DPF1: variants seen among roughly 807,000 people sequenced by gnomAD.
DPF1 encodes zinc finger protein neuro-d4.
In DPF1, 14 loss-of-function variants were observed where a neutral mutation model predicts 58.7. The ratio of observed to expected loss-of-function variants is 0.24; its 90% CI spans 0.16 to 0.37. DPF1 has a LOEUF of 0.37. Ranked by LOEUF, DPF1 falls within the 10% of genes least tolerant of loss-of-function variation. The probability of loss-of-function intolerance (pLI) is 1.00; values close to 1 mark genes in which losing one functional copy is unlikely to be tolerated. For missense variants in DPF1, 345 were observed against 529.9 expected (o/e 0.65, Z 3.43); for synonymous variants, 216 against 216.0 (o/e 1.00, Z 0.00).
intron 9 of DPF1, among the ~76,000 whole-genome samples, chr19:38,215,557 C>G (rs1398215359): frequency 1.3e-5 from 2 of 152,110 alleles, no homozygotes; most frequent in Non-Finnish European, 2.9e-5. Context: ...CCCACTTCAG[C>G]CTCCCGAGTA....
rs189432298 is a variant in DPF1 at position 38,215,095 on chromosome 19, A to G, written c.898+1045T>C. On this transcript the variant is annotated intron_variant, in intron 9 of 11. Coordinates refer to ENST00000355526, the MANE Select transcript of DPF1 (RefSeq NM_001135155.3). ...TGATCTGCTCGCCCCAGCCTCCCAA[A>G]GTGCTGGGATTACAGATGTGAGCCA... Among the ~76,000 whole-genome samples the G allele has an allele frequency of 2.4e-3, 370 of 151,210 alleles. 1 individual carries two copies. The highest frequency in any genetic ancestry group is 7.8e-3 in the African/African-American group (320 of 41,228).
chr19:38,222,569 C>A lies in DPF1; in HGVS notation c.169G>T (p.Glu57Ter). 6.2e-7 allele frequency: 1 copy of A among 1,611,100 alleles called. No individual in the cohort carries two copies. Residue 57 changes from glutamate (E) to a stop codon, truncating the protein, a stop_gained, in exon 2 of 12, where the codon GAG becomes TAG. Coordinates refer to ENST00000355526, the MANE Select transcript of DPF1 (RefSeq NM_001135155.3). LOFTEE classifies it high-confidence loss of function. This position sits in a 1 kb window ranked among gnomAD's most constrained non-coding sequence, Gnocchi z 4.9. ...VAQNNCYIWM[E>*]KTHRGPGLAP... ...GTACCCGGCCCGCGGTGGGTCTTCT[C>A]CATCCAGATGTAGCAGTTGTTCTGG...
In DPF1 at chr19:38,212,071, G is replaced by C; in HGVS notation, c.1156C>G (p.Leu386Val). ...LKEKASAYIT[L>V]T ...CGGCGAGCCGAGCCGGCCTAGGTGA[G>C]GGTGATGTAAGCAGAAGCCTTTTCC... Residue 386 changes from leucine (L) to valine (V), a missense_variant, in exon 12 of 12, where the codon CTC becomes GTC. By Grantham distance (32) the Leu-to-Val change is conservative. Coordinates refer to ENST00000355526, the MANE Select transcript of DPF1 (RefSeq NM_001135155.3). The C allele has an allele frequency of 6.2e-7, 1 of 1,611,896 alleles. No homozygotes were observed. The highest frequency in any genetic ancestry group is 8.5e-7 in the Non-Finnish European group (1 of 1,179,596).
chr19:38,229,162 A>G (rs1352486171), upstream of DPF1, among the ~76,000 whole-genome samples: 1 of 152,000 alleles, frequency 6.6e-6, no homozygotes, highest in Admixed American at 6.5e-5. This position sits in a 1 kb window ranked among gnomAD's most constrained non-coding sequence, Gnocchi z 5.3. Flanking sequence ...GGGTGATGGA[A>G]ACCCTGGAGA....
rs1005550451 is a variant in DPF1, at chr19:38,222,286, G to C, written c.298+71C>G. 7.4e-5 allele frequency: 97 copies of C among 1,315,746 alleles called. No individual in the cohort carries two copies. Among genetic ancestry groups the C allele is most frequent in the Admixed American group, 2.2e-4 (9 of 40,310 alleles). The allele number at this position is 1,315,746 out of a possible 1,614,324, so 81.5% of individuals were successfully genotyped here. ...CAGACACTTGCTAGAAGGCGATAAA[G>C]GTGATGGACGAGTGCTAGGACACAC... On this transcript the variant is annotated intron_variant, in intron 3 of 11. Coordinates refer to ENST00000355526, the MANE Select transcript of DPF1 (RefSeq NM_001135155.3). The surrounding 1 kb of genome is among the most constrained non-coding windows in gnomAD (Gnocchi z 4.9).
chr19:38,224,326 GC>G, upstream of DPF1: 7 of 1,243,370 alleles, frequency 5.6e-6, no homozygotes, highest in South Asian at 3.5e-5. This position sits in a 1 kb window ranked among gnomAD's most constrained non-coding sequence, Gnocchi z 4.5. Flanking sequence ...AGGCCAGGGG[GC>G]CCCCGGGACC....
rs766988824 is a variant in DPF1, at chr19:38,212,107, G to C, written c.1120C>G (p.Arg374Gly). The change falls in exon 12 of 12, where the codon CGG becomes GGG. Residue 374 changes from arginine to glycine, a missense_variant. Transcript: ENST00000355526. ...EGSWSCHLCLRHLKEKASAYI... is the reference protein window; with the variant it reads ...EGSWSCHLCLGHLKEKASAYI... ...GCAGAAGCCTTTTCCTTCAGGTGCCGGAGACAGAGGTGACAGCTCCAGCTC... is the reference window on the plus strand; with the variant it reads ...GCAGAAGCCTTTTCCTTCAGGTGCCCGAGACAGAGGTGACAGCTCCAGCTC... The C allele has an allele frequency of 1.2e-6, 2 of 1,611,958 alleles. No individual in the cohort carries two copies. The highest frequency in any genetic ancestry group is 8.5e-7 in the Non-Finnish European group (1 of 1,179,662).
At chr19:38,223,492 GACAC>G (rs369463004) in intron 1 of DPF1, among the ~76,000 whole-genome samples, 4,951 of 151,808 alleles carry the variant, frequency 0.033, 252 homozygotes, top group African/African-American at 0.11. Flanking sequence ...CATCCACACA[GACAC>G]ACACACATAT....
At position 38,224,147 on chromosome 19, in the gene DPF1, C is replaced by T. The variant is rs1222255269; in HGVS notation, c.-5G>A. 7 of 1,476,980 alleles carry T rather than the reference C, an allele frequency of 4.7e-6. No homozygotes were observed. The highest frequency in any genetic ancestry group is 1.5e-5 in the African/African-American group (1 of 67,506). The allele number at this position is 1,476,980 out of a possible 1,614,324, so 91.5% of individuals were successfully genotyped here. ...GCCAGGGATGACAGTGGCCATCTTGCTCCCCGGGTCCTGCCCCCAGCAGGT... is the reference window on the plus strand; with the variant it reads ...GCCAGGGATGACAGTGGCCATCTTGTTCCCCGGGTCCTGCCCCCAGCAGGT... On this transcript the variant is annotated 5_prime_UTR_variant, in exon 1 of 12. Coordinates refer to ENST00000355526, the MANE Select transcript of DPF1 (RefSeq NM_001135155.3). This position sits in a 1 kb window ranked among gnomAD's most constrained non-coding sequence, Gnocchi z 4.5.
intron 3 of DPF1, 68 bp from the exon 4 acceptor site, chr19:38,219,126 G>T: frequency 6.3e-7 from 1 of 1,589,962 alleles, no homozygotes; most frequent in Non-Finnish European, 8.5e-7. Context: ...AACTATGCAG[G>T]TGGGGGGACC....
chr19:38,224,076 C>A lies in DPF1; in HGVS notation c.29+38G>T. 1 of 1,496,542 alleles carries A rather than the reference C, an allele frequency of 6.7e-7. No homozygotes were observed. Among genetic ancestry groups the A allele is most frequent in the Non-Finnish European group, 8.8e-7 (1 of 1,136,056 alleles). 92.7% of individuals were successfully genotyped at this position (1,496,542 alleles called of 1,614,324 possible). A position where few individuals can be genotyped will look rare whatever the true frequency, so the allele number is the denominator to read the frequency against. ...ACACACACAGGCCCGCGTAGACCCGCCCGCGCTTCCTCTCCGCCTCCCGCC... is the reference window on the plus strand; with the variant it reads ...ACACACACAGGCCCGCGTAGACCCGACCGCGCTTCCTCTCCGCCTCCCGCC... On this transcript the variant is annotated intron_variant, in intron 1 of 11. Coordinates refer to ENST00000355526, the MANE Select transcript of DPF1 (RefSeq NM_001135155.3). The surrounding 1 kb of genome is among the most constrained non-coding windows in gnomAD (Gnocchi z 4.5).
intron 11 of DPF1, 43 bp downstream of exon 11, chr19:38,212,237 T>TGGGGGGGGGGGGGGGGGGGGGG: frequency 1.6e-6 from 2 of 1,256,796 alleles, no homozygotes; most frequent in Non-Finnish European, 2.2e-6. Context: ...GGAGATGGCG[T>TGGGGGGGGGGGGGGGGGGGGGG]TCCCACCCAC....
chr19:38,212,338 G>A lies in DPF1; in HGVS notation c.1035C>T (p.Asp345=). ...ENDDQLLFCD[D]CDRGYHMYCL... is the part of the protein sequence containing the mutation. Reference sequence around the variant, plus strand: ...AGTACATGTGGTAACCCCGATCGCAGTCATCACAAAACAGCAGCTGGTCCT... The same window carrying A: ...AGTACATGTGGTAACCCCGATCGCAATCATCACAAAACAGCAGCTGGTCCT... Residue 345 remains aspartate (D), a synonymous_variant, in exon 11 of 12, where the codon GAC becomes GAT. Coordinates refer to ENST00000355526, the MANE Select transcript of DPF1 (RefSeq NM_001135155.3). The A allele has an allele frequency of 6.9e-7, 1 of 1,453,384 alleles. No individual in the cohort carries two copies. Among genetic ancestry groups the A allele is most frequent in the Non-Finnish European group, 9.1e-7 (1 of 1,100,740 alleles). 90.0% of individuals were successfully genotyped at this position (1,453,384 alleles called of 1,614,324 possible). A position where few individuals can be genotyped will look rare whatever the true frequency, so the allele number is the denominator to read the frequency against.
At chr19:38,213,787 G>A in intron 9 of DPF1, 31 bp from the exon 10 acceptor site, 1 of 1,588,162 alleles carries the variant, frequency 6.3e-7, no homozygotes, top group Non-Finnish European at 8.6e-7. Flanking sequence ...GTGCAGTTAG[G>A]AGGTCACCGT....
intron 7 of DPF1, 111 bp downstream of exon 7, chr19:38,217,349 A>C (rs924503585): frequency 1.8e-5 from 25 of 1,393,524 alleles, no homozygotes; most frequent in Middle Eastern, 5.1e-4. Context: ...GGAACGGCTG[A>C]GCTGGAGATT....
At chr19:38,226,599 C>T (rs76829498), upstream of DPF1, among the ~76,000 whole-genome samples, 10 of 151,722 alleles carry the variant, frequency 6.6e-5, no homozygotes, top group Non-Finnish European at 1.3e-4. Context: ...AGGTCTTGGC[C>T]GGCCCCTCTC....
upstream of DPF1, among the ~76,000 whole-genome samples, chr19:38,225,779 C>T (rs1026428933): frequency 6.6e-6 from 1 of 151,312 alleles, no homozygotes; most frequent in African/African-American, 2.4e-5. Flanking sequence ...GTCCCAGCTA[C>T]TCAGGAGGCT....
chr19:38,218,684 C>T lies in DPF1; in HGVS notation c.427-22G>A, dbSNP rs374316921. The T allele has an allele frequency of 3.8e-5, 61 of 1,613,546 alleles. 1 individual carries two copies. Among genetic ancestry groups the T allele is most frequent in the South Asian group, 3.1e-4 (28 of 91,072 alleles). ...GTTTCTGGGCAATAGAGAAAGGAGA[C>T]GGGTCAAGAAAGTGGGGGCCACTGA... On this transcript the variant is annotated intron_variant, in intron 4 of 11. Coordinates refer to ENST00000355526, the MANE Select transcript of DPF1 (RefSeq NM_001135155.3).
In DPF1 at chr19:38,222,263, G is replaced by A; in HGVS notation, c.298+94C>T. On this transcript the variant is annotated intron_variant, in intron 3 of 11. Coordinates refer to ENST00000355526, the MANE Select transcript of DPF1 (RefSeq NM_001135155.3). The surrounding 1 kb of genome is among the most constrained non-coding windows in gnomAD (Gnocchi z 4.9). ...AGACAGACACACAGCCAGCCAGGCA[G>A]ACACTTGCTAGAAGGCGATAAAGGT... The A allele has an allele frequency of 8.9e-7, 1 of 1,121,106 alleles. No individual in the cohort carries two copies. The highest frequency in any genetic ancestry group is 2.7e-5 in the East Asian group (1 of 37,320). The allele number at this position is 1,121,106 out of a possible 1,614,324, so 69.4% of individuals were successfully genotyped here.
Sources: gnomAD v4.1 joint callset for allele counts (sites outside exome capture counted in the v4.1 genomes callset) on GRCh38, gnomAD v4.1.1 for gene constraint, Gnocchi (gnomAD v3.1) non-coding constraint, MANE v1.5 for transcripts, NCBI Gene and HGNC (gene_info 2026-07-23, HGNC 2026-07-21) for gene names.